The following STK4 variants were observed in gnomAD, a reference collection of about 807,000 sequenced individuals.
STK4 encodes the protein serine/threonine-protein kinase 4.
A neutral mutation model predicts 64.9 loss-of-function variants in STK4; 30 were observed. The observed-to-expected ratio is 0.46, with a 90% confidence interval of 0.35 to 0.63. The LOEUF is 0.63. Ranked by LOEUF, STK4 falls within the 20% of genes least tolerant of loss-of-function variation. STK4 has a pLI of 0.01. For synonymous variants in STK4, 177 were observed against 199.0 expected (o/e 0.89, Z 0.93); for missense variants, 466 against 598.5 (o/e 0.78, Z 2.31).
intron 10 of STK4, among the ~76,000 whole-genome samples, chr20:45,070,327 G>T (rs1290155401): frequency 1.3e-5 from 2 of 152,174 alleles, no homozygotes; most frequent in Non-Finnish European, 2.9e-5. Context: ...TGAGATGATG[G>T]CAGCCTGGAC....
intron 10 of STK4, among the ~76,000 whole-genome samples, chr20:45,060,374 A>G (rs2145458417): frequency 6.6e-6 from 1 of 152,332 alleles, no homozygotes. Flanking sequence ...CTTGCATTTC[A>G]TTTTTAAAAG....
chr20:44,967,618 C>A (rs17322191), intron 1 of STK4, among the ~76,000 whole-genome samples: 1 of 152,158 alleles, frequency 6.6e-6, no homozygotes, highest in Non-Finnish European at 1.5e-5. Flanking sequence ...TTCACAGAGA[C>A]GTCTGACTTC....
Position 45,008,479 on chromosome 20 carries a change from G to A in STK4, c.1147+7126G>A, listed in dbSNP as rs776900414. Among the ~76,000 whole-genome samples the A allele has an allele frequency of 2.5e-4, 38 of 152,130 alleles. 1 individual carries two copies. Among genetic ancestry groups the A allele is most frequent in the African/African-American group, 9.2e-4 (38 of 41,416 alleles). On this transcript the variant is annotated intron_variant, in intron 9 of 10. Coordinates refer to ENST00000372806, the MANE Select transcript of STK4 (RefSeq NM_006282.5). ...GCACCTAGGTTGATTCCATATCTTC[G>A]CTATTGTGAATAGTGTGGTGGTCAA...
At chr20:45,066,163 A>T (rs1324194718) in intron 10 of STK4, among the ~76,000 whole-genome samples, 1 of 147,732 alleles carries the variant, frequency 6.8e-6, no homozygotes, top group Non-Finnish European at 1.5e-5. Context: ...ATACATATGT[A>T]TATACACATT....
chr20:45,069,515 T>C (rs911520240), intron 10 of STK4, among the ~76,000 whole-genome samples: 57 of 152,250 alleles, frequency 3.7e-4, no homozygotes, highest in African/African-American at 1.3e-3. Flanking sequence ...ACTGGAGCCC[T>C]GCTTCTTATC....
intron 9 of STK4, among the ~76,000 whole-genome samples, chr20:45,005,661 A>AC: frequency 6.6e-6 from 1 of 151,696 alleles, no homozygotes; most frequent in Admixed American, 6.6e-5. Context: ...AAAAAAAAAA[A>AC]AAAAAACAAA....
At chr20:44,966,913 G>C (rs2067160247) in intron 1 of STK4, among the ~76,000 whole-genome samples, 1 of 152,092 alleles carries the variant, frequency 6.6e-6, no homozygotes, top group African/African-American at 2.4e-5. Flanking sequence ...ATCCAAGCAG[G>C]GACTCACGGA....
intron 9 of STK4, among the ~76,000 whole-genome samples, chr20:45,013,750 TG>T (rs1237200977): frequency 1.3e-5 from 2 of 152,168 alleles, no homozygotes; most frequent in African/African-American, 2.4e-5. Context: ...AGCAATCAGT[TG>T]CTAATTGTCT....
intron 10 of STK4, among the ~76,000 whole-genome samples, chr20:45,049,049 C>G (rs2068738811): frequency 6.6e-6 from 1 of 151,774 alleles, no homozygotes; most frequent in Admixed American, 6.6e-5. Context: ...TGTAAAATAG[C>G]TCAAGTAAAT....
chr20:45,035,867 A>T (rs2068519641), intron 10 of STK4, among the ~76,000 whole-genome samples: 1 of 152,228 alleles, frequency 6.6e-6, no homozygotes, highest in African/African-American at 2.4e-5. Flanking sequence ...TTGATACATT[A>T]TACTAATGAT....
chr20:44,978,310 T>C (rs1026937396), intron 2 of STK4, 133 bp from the exon 3 acceptor site: 6 of 1,080,582 alleles, frequency 5.6e-6, no homozygotes, highest in Non-Finnish European at 6.3e-6. Flanking sequence ...TTTAGCTATC[T>C]TAGTTTTGCA....
intron 10 of STK4, among the ~76,000 whole-genome samples, chr20:45,030,157 GC>G (rs1265580861): frequency 6.7e-6 from 1 of 149,002 alleles, no homozygotes; most frequent in African/African-American, 2.5e-5. Flanking sequence ...AGGCTGGAGT[GC>G]AGTGGTGACA....
chr20:45,063,017 TTTG>T (rs1979224889), intron 10 of STK4, among the ~76,000 whole-genome samples: 1 of 119,478 alleles, frequency 8.4e-6, no homozygotes, highest in Non-Finnish European at 1.7e-5. Context: ...TTTTTTTTTT[TTTG>T]GACACAGGGT....
intron 4 of STK4, 26 bp downstream of exon 4, chr20:44,981,969 A>G (rs372105471): frequency 9.4e-6 from 14 of 1,487,876 alleles, no homozygotes; most frequent in Admixed American, 1.7e-5. Context: ...AGAACATGCA[A>G]CTGAGCTAGT....
chr20:44,999,199 A>G (rs2067790816), intron 7 of STK4, among the ~76,000 whole-genome samples: 1 of 152,226 alleles, frequency 6.6e-6, no homozygotes, highest in Non-Finnish European at 1.5e-5. Flanking sequence ...TTTGTCTCTT[A>G]TTACAGAAGG....
At chr20:44,975,502 A>G (rs1405967202) in intron 2 of STK4, 9 of 382,240 alleles carry the variant, frequency 2.4e-5, no homozygotes, top group African/African-American at 1.5e-4. Context: ...TATTTTAAAT[A>G]TAAGGATATA....
At chr20:44,979,558 G>A (rs755819359) in intron 3 of STK4, among the ~76,000 whole-genome samples, 5 of 152,208 alleles carry the variant, frequency 3.3e-5, no homozygotes, top group Non-Finnish European at 5.9e-5. Context: ...GGCAATGCCA[G>A]CTCTAGGGAG....
At chr20:45,073,847 C>T (rs1216762244) in intron 10 of STK4, among the ~76,000 whole-genome samples, 4 of 152,194 alleles carry the variant, frequency 2.6e-5, no homozygotes, top group Non-Finnish European at 5.9e-5. Context: ...TTTACACACA[C>T]AGTGCAGCAG....
chr20:45,032,090 A>G (rs192298641), intron 10 of STK4, among the ~76,000 whole-genome samples: 49 of 152,272 alleles, frequency 3.2e-4, no homozygotes, highest in African/African-American at 1.1e-3. Context: ...GAATACTGCA[A>G]TTATAGTTTC....
Sources: gnomAD v4.1 joint callset for allele counts (sites outside exome capture counted in the v4.1 genomes callset) on GRCh38, gnomAD v4.1.1 for gene constraint, MANE v1.5 for transcripts, NCBI Gene and HGNC (gene_info 2026-07-23, HGNC 2026-07-21) for gene names.